RCSD1: variants seen among roughly 807,000 people sequenced by gnomAD.
The protein encoded by RCSD1 is capZ-interacting protein.
In RCSD1, 26 loss-of-function variants were observed where a neutral mutation model predicts 42.5. That is an observed-to-expected ratio of 0.61 (90% confidence interval 0.45 to 0.85). The LOEUF (loss-of-function observed/expected upper bound fraction) is 0.85. Among genes scored for constraint, RCSD1 ranks in the 40% least tolerant of loss-of-function variants. RCSD1 has a pLI of 0.00. For missense variants in RCSD1, 571 were observed against 528.3 expected (o/e 1.08, Z -0.79); for synonymous variants, 220 against 212.2 (o/e 1.04, Z -0.32).
At chr1:167,688,721 A>G (rs1337692162) in intron 3 of RCSD1, among the ~76,000 whole-genome samples, 5 of 152,186 alleles carry the variant, frequency 3.3e-5, no homozygotes, top group Non-Finnish European at 4.4e-5. Context: ...CTAAAACACA[A>G]TCATCTCACA....
intron 1 of RCSD1, among the ~76,000 whole-genome samples, chr1:167,678,959 A>G (rs1659015698): frequency 6.6e-6 from 1 of 152,154 alleles, no homozygotes; most frequent in African/African-American, 2.4e-5. Context: ...CCATAAAATA[A>G]GTGCCCTGTT....
intron 6 of RCSD1, 80 bp from the exon 7 acceptor site, chr1:167,704,584 C>T: frequency 8.5e-7 from 1 of 1,183,300 alleles, no homozygotes; most frequent in South Asian, 1.2e-5. Context: ...TTGCCAGATC[C>T]ATCATCCCCA....
chr1:167,706,719 CTTGTTCATTAATA>C lies in RCSD1; in HGVS notation c.*2024_*2036del, dbSNP rs1199518022. Among the ~76,000 whole-genome samples the C allele has an allele frequency of 6.6e-6, 1 of 152,124 alleles. No individual in the cohort carries two copies. On this transcript the variant is annotated 3_prime_UTR_variant, in exon 7 of 7. Coordinates refer to ENST00000367854, the MANE Select transcript of RCSD1 (RefSeq NM_052862.4). ...AAAAATAGAGGCCCCATTCCCAGGG[CTTGTTCATTAATA>C]AAGGGGGCTCTTGGCAGGGAACTCA... is the stretch of plus-strand genomic sequence containing the variant.
At chr1:167,675,207 G>GGA (rs1553250437) in intron 1 of RCSD1, among the ~76,000 whole-genome samples, 506 of 49,204 alleles carry the variant, frequency 0.01, 19 homozygotes, top group African/African-American at 0.05. Flanking sequence ...CTCCATCTCG[G>GGA]AAAAAAAAAA....
At chr1:167,632,241 G>T (rs933146390) in intron 1 of RCSD1, among the ~76,000 whole-genome samples, 3 of 152,234 alleles carry the variant, frequency 2.0e-5, no homozygotes, top group African/African-American at 7.2e-5. Flanking sequence ...CCCTCTTCTG[G>T]AAGTGTACAA....
chr1:167,708,273 A>G lies in RCSD1; in HGVS notation c.*3577A>G, dbSNP rs1171618752. On this transcript the variant is annotated 3_prime_UTR_variant, in exon 7 of 7. Coordinates refer to ENST00000367854, the MANE Select transcript of RCSD1 (RefSeq NM_052862.4). Reference sequence around the variant, plus strand: ...AGTGAAATCAGGGTGCTGTTACCAAAAGAAGCTATGCTGGCAGGCAAAAAA... The same window carrying G: ...AGTGAAATCAGGGTGCTGTTACCAAGAGAAGCTATGCTGGCAGGCAAAAAA... Among the ~76,000 whole-genome samples the G allele has an allele frequency of 1.3e-5, 2 of 152,214 alleles. No homozygotes were observed. Among genetic ancestry groups the G allele is most frequent in the African/African-American group, 4.8e-5 (2 of 41,446 alleles).
At position 167,697,725 on chromosome 1, in the gene RCSD1, C is replaced by T; in HGVS notation, c.1101C>T (p.Gly367=). ...KGGDVPKQEK[G]KEKQQEGAVL... is the part of the protein sequence containing the mutation. ...GAGATGTCCCCAAGCAGGAAAAAGG[C>T]AAGGAAAAACAACAGGAGGGGGCAG... The change falls in exon 6 of 7, where the codon GGC becomes GGT. Residue 367 remains glycine, a synonymous_variant. Coordinates refer to ENST00000367854, the MANE Select transcript of RCSD1 (RefSeq NM_052862.4). 1 of 1,583,096 alleles carries T rather than the reference C, an allele frequency of 6.3e-7. No individual in the cohort carries two copies. The highest frequency in any genetic ancestry group is 2.3e-5 in the East Asian group (1 of 44,102).
intron 1 of RCSD1, among the ~76,000 whole-genome samples, chr1:167,659,501 C>G (rs1372446757): frequency 1.3e-5 from 2 of 152,164 alleles, no homozygotes; most frequent in African/African-American, 4.8e-5. Flanking sequence ...TGGGCACACT[C>G]TACACTCTGC....
intron 1 of RCSD1, among the ~76,000 whole-genome samples, chr1:167,655,523 C>A (rs575135430): frequency 4.6e-5 from 7 of 152,312 alleles, no homozygotes; most frequent in African/African-American, 1.7e-4. Flanking sequence ...AGTCTCCCTG[C>A]TATGACCTGC....
In RCSD1 at chr1:167,697,109, G is replaced by A. The variant is rs1246538449; in HGVS notation, c.485G>A (p.Arg162Lys). 7.4e-6 allele frequency: 12 copies of A among 1,612,600 alleles called. No homozygotes were observed. Among genetic ancestry groups the A allele is most frequent in the Non-Finnish European group, 9.3e-6 (11 of 1,179,248 alleles). ...AACACTTTCTTCTAGGTGCGGACGAGGGGCTCAATAAAAAGGCGCCCTCCC... is the reference window on the plus strand; with the variant it reads ...AACACTTTCTTCTAGGTGCGGACGAAGGGCTCAATAAAAAGGCGCCCTCCC... ...HLPCYNKVRT[R>K]GSIKRRPPSR... The change falls in exon 6 of 7, where the codon AGG (arginine) becomes AAG (lysine). Residue 162 changes from arginine to lysine, a missense_variant. Transcript: ENST00000367854.
At chr1:167,675,076 C>T (rs867848882) in intron 1 of RCSD1, among the ~76,000 whole-genome samples, 2 of 151,694 alleles carry the variant, frequency 1.3e-5, no homozygotes, top group Admixed American at 6.6e-5. Context: ...CCTGGTGGCA[C>T]GTGCCTGTAG....
chr1:167,665,374 C>CA (rs1475491625), intron 1 of RCSD1, among the ~76,000 whole-genome samples: 1 of 152,150 alleles, frequency 6.6e-6, no homozygotes, highest in African/African-American at 2.4e-5. Context: ...CATTGATGGA[C>CA]ATTTGAGTTA....
chr1:167,637,802 C>G (rs1038106739), intron 1 of RCSD1, among the ~76,000 whole-genome samples: 1 of 152,136 alleles, frequency 6.6e-6, no homozygotes, highest in African/African-American at 2.4e-5. Flanking sequence ...CCTGCAGCCC[C>G]GCTCATTCCT....
intron 1 of RCSD1, among the ~76,000 whole-genome samples, chr1:167,644,500 C>A (rs200812524): frequency 0.092 from 5,348 of 57,886 alleles, 183 homozygotes; most frequent in African/African-American, 0.16. Context: ...TACATACATA[C>A]ATACATACAT....
At chr1:167,682,716 G>A (rs544521458) in intron 1 of RCSD1, among the ~76,000 whole-genome samples, 58 of 143,496 alleles carry the variant, frequency 4.0e-4, no homozygotes, top group African/African-American at 1.4e-3. Flanking sequence ...TGTGTACAAG[G>A]GAGTAAGCTC....
chr1:167,694,855 C>A (rs762632432), intron 5 of RCSD1, among the ~76,000 whole-genome samples: 2 of 152,136 alleles, frequency 1.3e-5, no homozygotes, highest in South Asian at 4.1e-4. Flanking sequence ...ACAGATGCAA[C>A]CCTGATCCTC....
At chr1:167,632,818 A>C (rs1558068522) in intron 1 of RCSD1, among the ~76,000 whole-genome samples, 2 of 152,164 alleles carry the variant, frequency 1.3e-5, no homozygotes, top group Non-Finnish European at 2.9e-5. Flanking sequence ...AAAAAACAAC[A>C]TGCAACTGCT....
intron 6 of RCSD1, among the ~76,000 whole-genome samples, chr1:167,702,545 G>T (rs1276359236): frequency 6.6e-6 from 1 of 152,232 alleles, no homozygotes; most frequent in Non-Finnish European, 1.5e-5. Context: ...TTGGGAGGCT[G>T]AGGCGGGCAG....
intron 3 of RCSD1, 133 bp downstream of exon 3, chr1:167,685,643 A>G (rs906538227): frequency 3.1e-6 from 2 of 651,758 alleles, no homozygotes; most frequent in African/African-American, 3.7e-5. Flanking sequence ...TCTCCATTTC[A>G]GAGTGAATCT....
Sources: allele counts gnomAD v4.1 joint callset (sites outside exome capture counted in the v4.1 genomes callset), GRCh38; gene constraint gnomAD v4.1.1; transcripts MANE v1.5; gene names NCBI Gene and HGNC (gene_info 2026-07-23, HGNC 2026-07-21).